Variants in HNRNPR observed in about 807,000 individuals in gnomAD.
HNRNPR encodes heterogeneous nuclear ribonucleoprotein R.
HNRNPR carries 4 observed loss-of-function variants against 70.3 expected under a neutral mutation model. The ratio of observed to expected loss-of-function variants is 0.06; its 90% confidence interval spans 0.03 to 0.13. HNRNPR has a LOEUF of 0.13. Ranked by LOEUF, HNRNPR falls within the 10% of genes least tolerant of loss-of-function variation. The pLI is 1.00. For synonymous variants in HNRNPR, 241 were observed against 267.6 expected, an observed-to-expected ratio of 0.90 and a Z score of 0.97; for missense variants, 423 against 788.5, an observed-to-expected ratio of 0.54 and a Z score of 5.55.
intron 5 of HNRNPR, among the ~76,000 whole-genome samples, chr1:23,324,287 G>A (rs935394522): frequency 2.6e-5 from 4 of 152,086 alleles, no homozygotes; most frequent in East Asian, 1.9e-4. Flanking sequence ...AAGCAACCTC[G>A]GCCGGGCGCG....
chr1:23,327,377 G>A (rs1646030592), intron 5 of HNRNPR, among the ~76,000 whole-genome samples: 1 of 152,142 alleles, frequency 6.6e-6, no homozygotes, highest in African/African-American at 2.4e-5. Context: ...ATATTCTACT[G>A]AGAGAGACAG....
intron 4 of HNRNPR, among the ~76,000 whole-genome samples, chr1:23,334,003 T>A (rs1411840793): frequency 6.6e-6 from 1 of 152,024 alleles, no homozygotes; most frequent in African/African-American, 2.4e-5. Context: ...AACCTCTGCC[T>A]CCCGGGTCTA....
At chr1:23,335,698 G>A (rs542215744) in intron 4 of HNRNPR, among the ~76,000 whole-genome samples, 124 of 152,264 alleles carry the variant, frequency 8.1e-4, no homozygotes, top group Non-Finnish European at 1.6e-3. Flanking sequence ...CCATCTAGTT[G>A]CAGGAAAACA....
chr1:23,330,652 T>C (rs1268015016), intron 5 of HNRNPR, among the ~76,000 whole-genome samples: 7 of 152,180 alleles, frequency 4.6e-5, no homozygotes, highest in Admixed American at 3.9e-4. Context: ...CTAAAAAATA[T>C]ATTTCAAAAT....
chr1:23,331,653 C>A (rs1044158545), intron 5 of HNRNPR, among the ~76,000 whole-genome samples: 1 of 151,488 alleles, frequency 6.6e-6, no homozygotes, highest in Admixed American at 6.6e-5. Flanking sequence ...CACCATTACA[C>A]TCCAGCCTGG....
intron 9 of HNRNPR, among the ~76,000 whole-genome samples, chr1:23,313,258 T>C (rs1461703941): frequency 7.9e-5 from 12 of 152,176 alleles, no homozygotes. Context: ...ATTCAGTGTT[T>C]ACAGCAGCTA....
Position 23,311,644 on chromosome 1 carries a change from A to ATTTG in HNRNPR, c.1168-323_1168-322insCAAA, listed in dbSNP as rs1645341690. The ATTTG allele has an allele frequency of 3.6e-4, 71 of 197,008 alleles. No individual in the cohort carries two copies. The Admixed American group carries it at 3.9e-3, about 11-fold the overall frequency. 12.2% of individuals were successfully genotyped at this position (197,008 alleles called of 1,614,324 possible). A position where few individuals can be genotyped will look rare whatever the true frequency, so the allele number is the denominator to read the frequency against. On this transcript the variant is annotated intron_variant, in intron 9 of 10. Transcript: ENST00000302271. ...AACTCCTTAAAAGATAAGCCATACC[A>ATTTG]AAGAAGCAAATCCATACCGGGGAAA...
intron 5 of HNRNPR, among the ~76,000 whole-genome samples, chr1:23,325,506 T>C (rs1434778006): frequency 6.6e-6 from 1 of 152,170 alleles, no homozygotes; most frequent in Non-Finnish European, 1.5e-5. Context: ...TCTACCTCCT[T>C]AAGGTCCCCA....
chr1:23,333,036 G>C (rs1646306329), intron 5 of HNRNPR, among the ~76,000 whole-genome samples: 1 of 152,044 alleles, frequency 6.6e-6, no homozygotes, highest in Admixed American at 6.6e-5. Flanking sequence ...TACAAAATTA[G>C]CCAGGTGTGG....
At chr1:23,333,473 T>C (rs191888595) in intron 5 of HNRNPR, 45 bp downstream of exon 5, 14 of 1,257,102 alleles carry the variant, frequency 1.1e-5, no homozygotes, top group African/African-American at 2.9e-5. Flanking sequence ...GATAAAACAC[T>C]TTCCAAACTG....
At chr1:23,326,934 C>G (rs621262) in intron 5 of HNRNPR, among the ~76,000 whole-genome samples, 1 of 152,090 alleles carries the variant, frequency 6.6e-6, no homozygotes, top group African/African-American at 2.4e-5. Flanking sequence ...ACCTTGAAAT[C>G]TATGATGAAG....
In HNRNPR at chr1:23,333,541, C is replaced by A; in HGVS notation, c.475G>T (p.Val159Leu). 1 of 1,611,546 alleles carries A rather than the reference C, an allele frequency of 6.2e-7. No homozygotes were observed. The highest frequency in any genetic ancestry group is 8.5e-7 in the Non-Finnish European group (1 of 1,177,602). Residue 159 changes from valine (V) to leucine (L), a missense_variant, in exon 5 of 11, where the codon GTG becomes TTG. By Grantham distance (32) the Val-to-Leu change is conservative (BLOSUM62 1). This residue lies in a region of HNRNPR where 118 missense variants were observed against 239.3 expected (regional missense o/e 0.49). Transcript: ENST00000302271. Reference protein sequence around the residue: ...GPPPDSVYSGVQPGIGTEVFV... With the variant: ...GPPPDSVYSGLQPGIGTEVFV... ...ACCTCCGTTCCAATTCCAGGTTGCA[C>A]GCCAGAGTACACACTGTCTGGTGGA... is the stretch of plus-strand genomic sequence containing the variant.
chr1:23,336,095 C>T (rs1646467162), intron 4 of HNRNPR, among the ~76,000 whole-genome samples: 1 of 96,780 alleles, frequency 1.0e-5, no homozygotes, highest in African/African-American at 4.2e-5. Flanking sequence ...CCAGCCTGGG[C>T]GACAGAGCGA....
At chr1:23,331,835 A>T (rs1233842756) in intron 5 of HNRNPR, among the ~76,000 whole-genome samples, 3 of 22,636 alleles carry the variant, frequency 1.3e-4, no homozygotes, top group African/African-American at 1.1e-3. Context: ...CTGTTTCTTT[A>T]AAAAAAAAAA....
At chr1:23,336,042 G>T in intron 4 of HNRNPR, among the ~76,000 whole-genome samples, 1 of 140,026 alleles carries the variant, frequency 7.1e-6, no homozygotes, top group East Asian at 2.2e-4. Flanking sequence ...GCGTGAACCC[G>T]GGAGGCGGAG....
chr1:23,343,553 G>A (rs1457370894), intron 1 of HNRNPR, among the ~76,000 whole-genome samples: 1 of 152,170 alleles, frequency 6.6e-6, no homozygotes, highest in Non-Finnish European at 1.5e-5. Context: ...GTGCGCCTCT[G>A]ACAGTCTCAG....
rs1476566798 is a variant in HNRNPR, at chr1:23,307,898, A to C, written c.*2556T>G. 3 of 149,064 alleles carry C rather than the reference A, an allele frequency of 2.0e-5. No individual in the cohort carries two copies. The highest frequency in any genetic ancestry group is 4.5e-5 in the Non-Finnish European group (3 of 67,190). 9.2% of individuals were successfully genotyped at this position (149,064 alleles called of 1,614,324 possible). A position where few individuals can be genotyped will look rare whatever the true frequency, so the allele number is the denominator to read the frequency against. ...AGGAAACCAAATTCCTTACACTCAT[A>C]ATTTGTACCTAATTTAAAAAAAAAA... On this transcript the variant is annotated 3_prime_UTR_variant, in exon 11 of 11. Transcript: ENST00000302271.
At chr1:23,331,196 C>T (rs1447316699) in intron 5 of HNRNPR, among the ~76,000 whole-genome samples, 1 of 152,086 alleles carries the variant, frequency 6.6e-6, no homozygotes, top group South Asian at 2.1e-4. Flanking sequence ...CCTAAAGGAA[C>T]AATGCAATCT....
At chr1:23,334,837 A>G (rs777507919) in intron 4 of HNRNPR, among the ~76,000 whole-genome samples, 18 of 152,244 alleles carry the variant, frequency 1.2e-4, no homozygotes, top group Admixed American at 2.0e-4. Flanking sequence ...ACATCTATAT[A>G]AAGAGCTTAG....
Sources: gnomAD v4.1 joint callset for allele counts (sites outside exome capture counted in the v4.1 genomes callset) on GRCh38, gnomAD v4.1.1 for gene constraint, gnomAD v4.1.1 regional missense constraint, MANE v1.5 for transcripts, NCBI Gene and HGNC (gene_info 2026-07-23, HGNC 2026-07-21) for gene names.